EBF1: variants seen among roughly 807,000 people sequenced by gnomAD.
EBF1 encodes EBF transcription factor 1.
A neutral mutation model predicts 68.4 loss-of-function variants in EBF1; 10 were observed. The ratio of observed to expected loss-of-function variants is 0.15; its 90% CI spans 0.09 to 0.25. The LOEUF is 0.25. EBF1 is among the 10% of genes least tolerant of loss of function. The pLI is 1.00. For missense variants in EBF1, 509 were observed against 794.4 expected, an observed-to-expected ratio of 0.64 and a Z score of 4.32; for synonymous variants, 298 against 299.8, an observed-to-expected ratio of 0.99 and a Z score of 0.06.
chr5:159,069,636 G>T (rs1350710832), intron 6 of EBF1, among the ~76,000 whole-genome samples: 1 of 152,088 alleles, frequency 6.6e-6, no homozygotes, highest in Admixed American at 6.6e-5. Context: ...CATATAGAAA[G>T]ATTTTTTAAT....
chr5:158,788,592 GT>G (rs1359370492), intron 9 of EBF1, among the ~76,000 whole-genome samples: 1 of 152,140 alleles, frequency 6.6e-6, no homozygotes, highest in Non-Finnish European at 1.5e-5. Flanking sequence ...TTAGTTCAGG[GT>G]ATCAGGGAGC....
intron 10 of EBF1, among the ~76,000 whole-genome samples, chr5:158,742,790 A>G (rs1230713991): frequency 6.6e-6 from 1 of 152,224 alleles, no homozygotes; most frequent in Non-Finnish European, 1.5e-5. Context: ...CCTGAAAATG[A>G]GCTCCATCTG....
intron 11 of EBF1, among the ~76,000 whole-genome samples, chr5:158,717,448 G>T (rs904686206): frequency 6.6e-6 from 1 of 152,062 alleles, no homozygotes; most frequent in Non-Finnish European, 1.5e-5. Flanking sequence ...ATTTTAATAT[G>T]CAATTTTAAT....
intron 9 of EBF1, among the ~76,000 whole-genome samples, chr5:158,788,314 G>C (rs1276239411): frequency 6.6e-6 from 1 of 152,138 alleles, no homozygotes; most frequent in East Asian, 1.9e-4. Flanking sequence ...TATTTTACAG[G>C]ATCTTAAAGG....
At chr5:159,081,710 A>G (rs1321656145) in intron 5 of EBF1, among the ~76,000 whole-genome samples, 1 of 152,146 alleles carries the variant, frequency 6.6e-6, no homozygotes, top group East Asian at 1.9e-4. Flanking sequence ...GTCTTTCTTA[A>G]ACAGAGCTCT....
intron 8 of EBF1, among the ~76,000 whole-genome samples, chr5:158,803,203 C>T (rs745702166): frequency 2.6e-5 from 4 of 152,068 alleles, no homozygotes; most frequent in Admixed American, 1.3e-4. Context: ...CCTCGTAAAA[C>T]TCATGCTTTT....
intron 6 of EBF1, among the ~76,000 whole-genome samples, chr5:159,035,129 A>G: frequency 6.6e-6 from 1 of 151,150 alleles, no homozygotes; most frequent in South Asian, 2.1e-4. Context: ...AAGAGAAAGA[A>G]AGAGAGAGAG....
intron 11 of EBF1, 103 bp from the exon 12 acceptor site, chr5:158,714,285 A>C (rs1760130174): frequency 1.5e-6 from 2 of 1,359,646 alleles, no homozygotes; most frequent in Admixed American, 1.7e-5. Context: ...TTGCCAAGGC[A>C]CTGCTATAAA....
At chr5:158,729,369 C>T (rs1204336487) in intron 11 of EBF1, among the ~76,000 whole-genome samples, 1 of 150,334 alleles carries the variant, frequency 6.7e-6, no homozygotes, top group South Asian at 2.1e-4. Context: ...GAATACAGTG[C>T]CCAAATGTTC....
At chr5:158,966,273 G>C (rs571316138) in intron 6 of EBF1, among the ~76,000 whole-genome samples, 1 of 152,024 alleles carries the variant, frequency 6.6e-6, no homozygotes, top group African/African-American at 2.4e-5. Context: ...AAGTAACAGC[G>C]GTTTTAAAAT....
At chr5:158,837,270 C>T (rs1045125012) in intron 7 of EBF1, among the ~76,000 whole-genome samples, 1 of 152,174 alleles carries the variant, frequency 6.6e-6, no homozygotes. Flanking sequence ...GGGCACCCCC[C>T]ATGATTGACC....
chr5:159,084,589 C>T, intron 5 of EBF1, 77 bp downstream of exon 5: 1 of 1,205,004 alleles, frequency 8.3e-7, no homozygotes. Flanking sequence ...AAAAAAAAGA[C>T]CAAAGTTCAC....
At chr5:158,938,347 C>T (rs141669819) in intron 6 of EBF1, among the ~76,000 whole-genome samples, 85 of 152,276 alleles carry the variant, frequency 5.6e-4, no homozygotes, top group African/African-American at 1.9e-3. Context: ...CCCCCTCCTC[C>T]CCTCCTCTGC....
intron 6 of EBF1, among the ~76,000 whole-genome samples, chr5:159,023,450 T>G (rs957106417): frequency 3.9e-5 from 6 of 152,172 alleles, no homozygotes; most frequent in Non-Finnish European, 1.5e-5. Flanking sequence ...GCTTTTTAAA[T>G]TAGTCTCCCC....
At chr5:158,998,990 C>A (rs1761991273) in intron 6 of EBF1, among the ~76,000 whole-genome samples, 1 of 151,998 alleles carries the variant, frequency 6.6e-6, no homozygotes, top group Non-Finnish European at 1.5e-5. Context: ...GTCATGGAAG[C>A]TTCAAAGGTT....
chr5:159,050,276 C>T lies in EBF1; in HGVS notation c.554+23120G>A, dbSNP rs79285669. On this transcript the variant is annotated intron_variant, in intron 6 of 15. Transcript: ENST00000313708. ...CCTCTCCCTCTCTGCATTGCTCTTC[C>T]TCTGCCCCTGTATCTATGACTCTGT... Among the ~76,000 whole-genome samples, 955 of 151,188 alleles carry T rather than the reference C, an allele frequency of 6.3e-3. 12 individuals carry two copies. Among genetic ancestry groups the T allele is most frequent in the African/African-American group, 0.022 (900 of 41,134 alleles).
chr5:158,748,845 G>A (rs1266236084), intron 10 of EBF1, among the ~76,000 whole-genome samples: 3 of 152,172 alleles, frequency 2.0e-5, no homozygotes, highest in South Asian at 2.1e-4. Context: ...ACTGAGGGAA[G>A]AGGAGGCTTG....
chr5:158,884,479 C>T (rs1041791154), intron 6 of EBF1, among the ~76,000 whole-genome samples: 3 of 152,076 alleles, frequency 2.0e-5, no homozygotes, highest in African/African-American at 4.8e-5. Flanking sequence ...AATTACTTGC[C>T]AAGCACCATG....
chr5:158,744,346 A>G (rs1411246114), intron 10 of EBF1, among the ~76,000 whole-genome samples: 1 of 77,654 alleles, frequency 1.3e-5, no homozygotes, highest in African/African-American at 6.5e-5. Flanking sequence ...TCAAAAAGGT[A>G]TAGAAAGAAT....
Sources: gnomAD v4.1 joint callset for allele counts (sites outside exome capture counted in the v4.1 genomes callset) on GRCh38, gnomAD v4.1.1 for gene constraint, MANE v1.5 for transcripts, NCBI Gene and HGNC (gene_info 2026-07-23, HGNC 2026-07-21) for gene names.